Variants in COL23A1 observed in about 807,000 individuals in gnomAD.
COL23A1 encodes the protein collagen type XXIII alpha 1 chain.
Under a neutral mutation model 99.3 loss-of-function variants are expected in COL23A1, and 97 were observed. The ratio of observed to expected loss-of-function variants is 0.98; its 90% CI spans 0.83 to 1.16. The LOEUF (loss-of-function observed/expected upper bound fraction) is 1.16. COL23A1 is among the 50% of genes most tolerant of loss of function. COL23A1 has a pLI of 0.00. For missense variants in COL23A1, 762 were observed against 757.4 expected, an observed-to-expected ratio of 1.01 and a Z score of -0.07; for synonymous variants, 320 against 308.2, an observed-to-expected ratio of 1.04 and a Z score of -0.40.
At chr5:178,274,140 C>T (rs1287546666) in intron 5 of COL23A1, among the ~76,000 whole-genome samples, 10 of 152,204 alleles carry the variant, frequency 6.6e-5, no homozygotes, top group Admixed American at 4.6e-4. Flanking sequence ...CTGTCTGAGC[C>T]GTCATTTTAG....
At chr5:178,348,155 GC>G (rs1761095498) in intron 2 of COL23A1, among the ~76,000 whole-genome samples, 1 of 151,630 alleles carries the variant, frequency 6.6e-6, no homozygotes, top group Admixed American at 6.6e-5. Flanking sequence ...CCCTGACGCC[GC>G]CCCCCGACTG....
chr5:178,247,745 TCAAAC>T, intron 21 of COL23A1, 25 bp downstream of exon 21: 3 of 1,610,990 alleles, frequency 1.9e-6, no homozygotes, highest in Non-Finnish European at 1.7e-6. Context: ...CCTGGCTGCT[TCAAAC>T]CAAACCAAAG....
chr5:178,571,373 T>C (rs1763086607), intron 1 of COL23A1, among the ~76,000 whole-genome samples: 1 of 151,702 alleles, frequency 6.6e-6, no homozygotes, highest in Non-Finnish European at 1.5e-5. Context: ...TCAGTCTCAA[T>C]AAATAAATAA....
intron 2 of COL23A1, among the ~76,000 whole-genome samples, chr5:178,424,792 A>AG (rs1165458716): frequency 3.9e-5 from 6 of 152,212 alleles, no homozygotes; most frequent in Non-Finnish European, 7.3e-5. Context: ...TAAAATGCAG[A>AG]TGATAATCTC....
chr5:178,495,791 T>C (rs991005013), intron 2 of COL23A1, among the ~76,000 whole-genome samples: 2 of 152,148 alleles, frequency 1.3e-5, no homozygotes, highest in Admixed American at 1.3e-4. Flanking sequence ...GGAATCCCCA[T>C]AGCATTGACA....
chr5:178,422,455 A>ACTGAGGGC (rs1288332251), intron 2 of COL23A1, among the ~76,000 whole-genome samples: 1 of 152,176 alleles, frequency 6.6e-6, no homozygotes, highest in African/African-American at 2.4e-5. Context: ...GGCTCTGGGG[A>ACTGAGGGC]CTGAGGGCCA....
chr5:178,535,357 T>G (rs1010515345), intron 2 of COL23A1, among the ~76,000 whole-genome samples: 13 of 152,236 alleles, frequency 8.5e-5, no homozygotes, highest in Non-Finnish European at 7.3e-5. Flanking sequence ...TCCAACAGGC[T>G]GCCAAGCCTC....
chr5:178,351,616 G>A (rs1051658915), intron 2 of COL23A1, among the ~76,000 whole-genome samples: 1 of 152,184 alleles, frequency 6.6e-6, no homozygotes, highest in African/African-American at 2.4e-5. Flanking sequence ...CGAGGTAGCA[G>A]CGCAGGCCGG....
chr5:178,382,681 T>C (rs563280898), intron 2 of COL23A1, among the ~76,000 whole-genome samples: 18 of 152,264 alleles, frequency 1.2e-4, no homozygotes, highest in African/African-American at 3.6e-4. Flanking sequence ...AGTTGGGAGA[T>C]GGGGCCTTAG....
rs1008177058 is a variant in COL23A1 at position 178,267,972 on chromosome 5, G to A, written c.496-639C>T. On this transcript the variant is annotated intron_variant, in intron 7 of 28. Transcript: ENST00000390654. ...GCAACTTGGCCAAGGTCACACAGTT[G>A]GTGGTGGAGCTGGAATGCAAAGCCG... 1.4e-4 allele frequency among the ~76,000 whole-genome samples: 22 copies of A among 152,230 alleles called. 1 individual carries two copies. Among genetic ancestry groups the A allele is most frequent in the South Asian group, 1.0e-3 (5 of 4,832 alleles).
At position 178,573,072 on chromosome 5, in the gene COL23A1, C is replaced by T. The variant is rs116084553; in HGVS notation, c.295-12324G>A. On this transcript the variant is annotated intron_variant, in intron 1 of 28. Coordinates refer to ENST00000390654, the MANE Select transcript of COL23A1 (RefSeq NM_173465.4). ...GAGGGATGGAAGGGAGGGAACTGAA[C>T]GAGGCAGGAGGAAACTCTGGAGGGT... 4.7e-3 allele frequency among the ~76,000 whole-genome samples: 714 copies of T among 152,210 alleles called. 4 individuals are homozygous for T. The highest frequency in any genetic ancestry group is 0.016 in the African/African-American group (677 of 41,524).
intron 2 of COL23A1, among the ~76,000 whole-genome samples, chr5:178,490,721 G>A (rs1757886640): frequency 6.6e-6 from 1 of 152,178 alleles, no homozygotes; most frequent in Non-Finnish European, 1.5e-5. Flanking sequence ...AGACTGCAGT[G>A]AGCTATCACT....
intron 2 of COL23A1, among the ~76,000 whole-genome samples, chr5:178,382,513 G>C (rs938155480): frequency 6.6e-6 from 1 of 152,154 alleles, no homozygotes; most frequent in Admixed American, 6.5e-5. Context: ...GAGGAGGCGG[G>C]ACCTGAGGGT....
chr5:178,484,152 G>A (rs1021271701), intron 2 of COL23A1, among the ~76,000 whole-genome samples: 2 of 151,982 alleles, frequency 1.3e-5, no homozygotes, highest in East Asian at 1.9e-4. Flanking sequence ...TCTTGAACTC[G>A]ACCTCAGGTG....
At chr5:178,290,753 C>T (rs1429134605) in intron 3 of COL23A1, among the ~76,000 whole-genome samples, 1 of 152,132 alleles carries the variant, frequency 6.6e-6, no homozygotes, top group African/African-American at 2.4e-5. Flanking sequence ...GGGGAGCAAA[C>T]ATTTTGGACA....
rs1764171078 is a variant in COL23A1, at chr5:178,589,750, G to A, written c.294+154C>T. On this transcript the variant is annotated intron_variant, in intron 1 of 28. Coordinates refer to ENST00000390654, the MANE Select transcript of COL23A1 (RefSeq NM_173465.4). This position sits in a 1 kb window ranked among gnomAD's most constrained non-coding sequence, Gnocchi z 5.4. The stretch of plus-strand genomic sequence containing the variant: ...CGGCACCCCCTGCCTCCGCCTTGGC[G>A]CAGACGTGCCCATCTCTGGGACGGC... Among the ~76,000 whole-genome samples, 1 of 152,052 alleles carries A rather than the reference G, an allele frequency of 6.6e-6. No individual in the cohort carries two copies. Among genetic ancestry groups the A allele is most frequent in the Admixed American group, 6.5e-5 (1 of 15,282 alleles).
At chr5:178,556,721 G>C (rs1762295806) in intron 2 of COL23A1, among the ~76,000 whole-genome samples, 1 of 151,870 alleles carries the variant, frequency 6.6e-6, no homozygotes, top group Non-Finnish European at 1.5e-5. Flanking sequence ...GGGAGGCTGA[G>C]GCAGGTGGAT....
intron 2 of COL23A1, among the ~76,000 whole-genome samples, chr5:178,529,152 C>T (rs981441084): frequency 6.6e-6 from 1 of 152,238 alleles, no homozygotes; most frequent in Non-Finnish European, 1.5e-5. Context: ...AGGACTCTCT[C>T]CATGTGGCGT....
intron 2 of COL23A1, among the ~76,000 whole-genome samples, chr5:178,385,374 C>A (rs970786152): frequency 6.6e-6 from 1 of 152,300 alleles, no homozygotes; most frequent in African/African-American, 2.4e-5. Context: ...CAGGCCCACA[C>A]GTCTTCATGT....
Sources: allele counts gnomAD v4.1 joint callset (sites outside exome capture counted in the v4.1 genomes callset), GRCh38; gene constraint gnomAD v4.1.1; non-coding constraint Gnocchi (gnomAD v3.1); transcripts MANE v1.5; gene names NCBI Gene and HGNC (gene_info 2026-07-23, HGNC 2026-07-21).